Variants in PCLO observed in about 807,000 individuals in gnomAD.
PCLO encodes the protein piccolo presynaptic cytomatrix protein.
In PCLO, 82 loss-of-function variants were observed where a neutral mutation model predicts 427.5. The observed-to-expected ratio is 0.19, with a 90% CI of 0.16 to 0.23. PCLO has a LOEUF of 0.23. Among genes scored for constraint, PCLO ranks in the 10% least tolerant of loss-of-function variants. PCLO has a pLI of 1.00. For synonymous variants in PCLO, 2,357 were observed against 2,155.4 expected, an observed-to-expected ratio of 1.09 and a Z score of -2.59; for missense variants, 6,239 against 6,115.9, an observed-to-expected ratio of 1.02 and a Z score of -0.67.
intron 3 of PCLO, among the ~76,000 whole-genome samples, chr7:83,122,323 T>C (rs1201265935): frequency 6.8e-6 from 1 of 147,812 alleles, no homozygotes; most frequent in Admixed American, 6.8e-5. Flanking sequence ...TTTTGCTCTA[T>C]TGCCCAGGCA....
At chr7:82,874,771 T>C (rs74830997) in intron 10 of PCLO, among the ~76,000 whole-genome samples, 1,710 of 152,266 alleles carry the variant, frequency 0.011, 89 homozygotes, top group Admixed American at 0.08. Context: ...GTTGTAAATA[T>C]ATATTCAAAG....
intron 3 of PCLO, among the ~76,000 whole-genome samples, chr7:83,031,193 A>G (rs957409269): frequency 1.7e-4 from 26 of 152,204 alleles, no homozygotes; most frequent in African/African-American, 5.8e-4. Flanking sequence ...AATTTAACCT[A>G]CAGCTCAAAC....
chr7:83,019,216 T>C (rs1788281772), intron 3 of PCLO, among the ~76,000 whole-genome samples: 2 of 152,050 alleles, frequency 1.3e-5, no homozygotes, highest in South Asian at 4.1e-4. Context: ...TATGTGTGTC[T>C]TGCTTTGCTT....
chr7:83,109,706 A>G (rs1390146023), intron 3 of PCLO, among the ~76,000 whole-genome samples: 2 of 152,128 alleles, frequency 1.3e-5, no homozygotes, highest in African/African-American at 4.8e-5. Context: ...TAAAGACAAA[A>G]AGCAAAGAAC....
At chr7:83,099,637 G>C (rs6977681) in intron 3 of PCLO, among the ~76,000 whole-genome samples, 69,763 of 151,768 alleles carry the variant, frequency 0.46, 16,440 homozygotes, top group East Asian at 0.71. Flanking sequence ...GTGATCCACC[G>C]GCCTCGGCCT....
intron 22 of PCLO, among the ~76,000 whole-genome samples, chr7:82,789,338 A>T (rs1229720958): frequency 6.6e-6 from 1 of 152,246 alleles, no homozygotes; most frequent in Non-Finnish European, 1.5e-5. Flanking sequence ...AGCATCAATT[A>T]GAATAACCTA....
chr7:82,949,769 C>A lies in PCLO; in HGVS notation c.10819G>T (p.Asp3607Tyr). Residue 3607 changes from aspartate (D) to tyrosine (Y), a missense_variant, in exon 6 of 25, where the codon GAT becomes TAT. Physicochemically the swap from Asp to Tyr is radical, Grantham distance 160 (BLOSUM62 -3). Around this residue, in one of 5 missense-constraint regions of PCLO, gnomAD observed 4,677 missense variants for 4,468.4 expected, o/e 1.05. Coordinates refer to ENST00000333891, the MANE Select transcript of PCLO (RefSeq NM_033026.6). ...GAAGGAGCCAGCTGTACTGTGGAAT[C>A]TGCCCGGAGGTGAGATGAATAACCA... ...EIGYSSHLRA[D>Y]STVQLAPSPP... 1 of 1,613,856 alleles carries A rather than the reference C, an allele frequency of 6.2e-7. No individual in the cohort carries two copies. The highest frequency in any genetic ancestry group is 8.5e-7 in the Non-Finnish European group (1 of 1,179,864).
intron 22 of PCLO, among the ~76,000 whole-genome samples, chr7:82,767,564 A>T (rs183229665): frequency 6.6e-6 from 1 of 152,266 alleles, no homozygotes; most frequent in African/African-American, 2.4e-5. Flanking sequence ...GGAAAGAAAG[A>T]ATTAAGATAA....
In PCLO at chr7:82,949,843, C is replaced by G. The variant is rs377700317; in HGVS notation, c.10745G>C (p.Ser3582Thr). 26 of 1,613,584 alleles carry G rather than the reference C, an allele frequency of 1.6e-5. No individual in the cohort carries two copies. The African/African-American group carries it at 2.7e-4, about 17-fold the overall frequency. Residue 3582 changes from serine (S) to threonine (T), a missense_variant, in exon 6 of 25, where the codon AGT becomes ACT. This residue lies in a region of PCLO where 4,677 missense variants were observed against 4,468.4 expected (regional missense o/e 1.05). Transcript: ENST00000333891. ...CTTGTCTTTGGGTGGAGATGTGGCA[C>G]TCAGATATTGAGGACTTTGTGTGTC... Reference protein sequence around the residue: ...DSDTQSPQYLSATSPPKDKKR... With the variant: ...DSDTQSPQYLTATSPPKDKKR...
intron 3 of PCLO, among the ~76,000 whole-genome samples, chr7:83,077,563 A>G (rs2116383045): frequency 6.6e-6 from 1 of 152,250 alleles, no homozygotes; most frequent in Admixed American, 6.5e-5. Flanking sequence ...AAAACAATGA[A>G]TAACTCTAAC....
intron 3 of PCLO, among the ~76,000 whole-genome samples, chr7:83,023,938 A>G (rs1788410405): frequency 6.6e-6 from 1 of 152,192 alleles, no homozygotes; most frequent in South Asian, 2.1e-4. Flanking sequence ...CATACCAAAC[A>G]AAATTGATAG....
intron 24 of PCLO, among the ~76,000 whole-genome samples, chr7:82,759,881 A>C (rs1273128247): frequency 1.3e-5 from 2 of 152,016 alleles, no homozygotes; most frequent in Non-Finnish European, 2.9e-5. Context: ...AGAAGCAGTG[A>C]CAGGTAAGTA....
intron 22 of PCLO, among the ~76,000 whole-genome samples, chr7:82,788,201 A>G (rs1199988110): frequency 6.8e-6 from 1 of 147,696 alleles, no homozygotes; most frequent in Non-Finnish European, 1.5e-5. Flanking sequence ...TTTAATATAT[A>G]TTTAATATAT....
rs199675339 is a variant in PCLO, at chr7:82,890,771, T to A, written c.13529-11309A>T. ...AATATAAATCTCTGAATAACTTCTATTTTAGGCTTGTAGATTTTCATTATA... is the reference window on the plus strand; with the variant it reads ...AATATAAATCTCTGAATAACTTCTAATTTAGGCTTGTAGATTTTCATTATA... On this transcript the variant is annotated intron_variant, in intron 9 of 24. Transcript: ENST00000333891. Among the ~76,000 whole-genome samples, 405 of 152,016 alleles carry A rather than the reference T, an allele frequency of 2.7e-3. 3 individuals carry two copies. Among genetic ancestry groups the A allele is most frequent in the South Asian group, 0.016 (75 of 4,806 alleles).
intron 6 of PCLO, among the ~76,000 whole-genome samples, chr7:82,943,385 A>C (rs1795127903): frequency 6.6e-6 from 1 of 152,300 alleles, no homozygotes; most frequent in Admixed American, 6.5e-5. Flanking sequence ...AATTGTAGCT[A>C]ATTTTTTTTT....
rs1415645220 is a variant in PCLO, at chr7:83,096,808, T to A, written c.3300+37442A>T. ...AAATATATATAAAAATATATTAATA[T>A]TATATAATATAAATATATAAAAATA... On this transcript the variant is annotated intron_variant, in intron 3 of 24. Transcript: ENST00000333891. Among the ~76,000 whole-genome samples the A allele has an allele frequency of 3.7e-5, 2 of 54,698 alleles. 1 individual carries two copies. The highest frequency in any genetic ancestry group is 1.3e-4 in the African/African-American group (2 of 15,938). 35.9% of individuals were successfully genotyped at this position (54,698 alleles called of 152,430 possible).
intron 3 of PCLO, among the ~76,000 whole-genome samples, chr7:82,996,824 C>T (rs755951776): frequency 6.6e-6 from 1 of 151,868 alleles, no homozygotes; most frequent in South Asian, 2.1e-4. Context: ...ACATGTGTGG[C>T]CATGTACACA....
chr7:83,125,310 G>T (rs1293774680), intron 3 of PCLO, among the ~76,000 whole-genome samples: 1 of 152,050 alleles, frequency 6.6e-6, no homozygotes, highest in East Asian at 1.9e-4. Flanking sequence ...CTGGAAGGTG[G>T]GGGGCACCCC....
chr7:82,856,749 T>C (rs1792817285), intron 10 of PCLO, among the ~76,000 whole-genome samples: 1 of 152,198 alleles, frequency 6.6e-6, no homozygotes, highest in Admixed American at 6.6e-5. Flanking sequence ...ACTAACTTTC[T>C]AATAAAATGA....
Sources: gnomAD v4.1 joint callset for allele counts (sites outside exome capture counted in the v4.1 genomes callset) on GRCh38, gnomAD v4.1.1 for gene constraint, gnomAD v4.1.1 regional missense constraint, MANE v1.5 for transcripts, NCBI Gene and HGNC (gene_info 2026-07-23, HGNC 2026-07-21) for gene names.